KIF26B: variants seen among roughly 807,000 people sequenced by gnomAD.
KIF26B encodes kinesin family member 26B, also known as kinesin-like protein KIF26B.
A neutral mutation model predicts 151.2 loss-of-function variants in KIF26B; 63 were observed. That is an observed-to-expected ratio of 0.42 (90% CI 0.34 to 0.51). The LOEUF is 0.51. Ranked by LOEUF, KIF26B falls within the 20% of genes least tolerant of loss-of-function variation. The pLI, the probability that KIF26B is intolerant of heterozygous loss-of-function variation, is 0.07. For synonymous variants in KIF26B, 1,357 were observed against 1,262.1 expected (o/e 1.08, Z -1.59); for missense variants, 2,813 against 2,913.6 (o/e 0.97, Z 0.79).
rs2044871381 is a variant in KIF26B, at chr1:245,708,745, A to G, written c.*6139A>G. 6.6e-6 allele frequency: 1 copy of G among 152,236 alleles called. No homozygotes were observed. Among genetic ancestry groups the G allele is most frequent in the African/African-American group, 2.4e-5 (1 of 41,458 alleles). 9.4% of individuals were successfully genotyped at this position (152,236 alleles called of 1,614,324 possible). ...TCCAGAACTCAGTTTTCTAACCTAT[A>G]AAATGAAGACATTGTGCTAGATGAT... On this transcript the variant is annotated 3_prime_UTR_variant, in exon 15 of 15. Coordinates refer to ENST00000407071, the MANE Select transcript of KIF26B (RefSeq NM_018012.4).
At chr1:245,506,140 G>A (rs966958026) in intron 4 of KIF26B, among the ~76,000 whole-genome samples, 1 of 151,798 alleles carries the variant, frequency 6.6e-6, no homozygotes, top group Non-Finnish European at 1.5e-5. Flanking sequence ...TCCTATAAGC[G>A]GGGAATAAAG....
chr1:245,524,938 T>C (rs1275367722), intron 4 of KIF26B, among the ~76,000 whole-genome samples: 1 of 152,148 alleles, frequency 6.6e-6, no homozygotes, highest in Non-Finnish European at 1.5e-5. Flanking sequence ...TCTTTTTTGG[T>C]CTCTCAGGGG....
At chr1:245,491,398 G>T (rs184902387) in intron 4 of KIF26B, among the ~76,000 whole-genome samples, 61 of 152,224 alleles carry the variant, frequency 4.0e-4, no homozygotes, top group Non-Finnish European at 6.3e-4. Flanking sequence ...TGTTTTCCTT[G>T]CCTGGGATGT....
At chr1:245,242,179 C>G (rs955948202) in intron 2 of KIF26B, among the ~76,000 whole-genome samples, 5 of 152,164 alleles carry the variant, frequency 3.3e-5, no homozygotes, top group African/African-American at 1.2e-4. Context: ...TCTCTTGAGG[C>G]CAGGAGTTTG....
At chr1:245,486,612 G>C (rs2103071688) in intron 4 of KIF26B, among the ~76,000 whole-genome samples, 1 of 152,208 alleles carries the variant, frequency 6.6e-6, no homozygotes, top group East Asian at 1.9e-4. Context: ...TACTTTATGG[G>C]TGAAGAAATG....
At position 245,244,756 on chromosome 1, in the gene KIF26B, T is replaced by TCACACAGA. The variant is rs1670284892; in HGVS notation, c.465+88079_465+88080insGACACACA. On this transcript the variant is annotated intron_variant, in intron 2 of 14. Coordinates refer to ENST00000407071, the MANE Select transcript of KIF26B (RefSeq NM_018012.4). This position sits in a 1 kb window ranked among gnomAD's most constrained non-coding sequence, Gnocchi z 4.2. ...AGAAGGAACACACAGACACGCACAC[T>TCACACAGA]CACACACACACACACACACACACAC... Among the ~76,000 whole-genome samples the TCACACAGA allele has an allele frequency of 6.9e-6, 1 of 144,354 alleles. No homozygotes were observed. The highest frequency in any genetic ancestry group is 2.6e-5 in the African/African-American group (1 of 39,114). The allele number at this position is 144,354 out of a possible 152,430, so 94.7% of individuals were successfully genotyped here. A position where few individuals can be genotyped will look rare whatever the true frequency, so the allele number is the denominator to read the frequency against.
intron 2 of KIF26B, among the ~76,000 whole-genome samples, chr1:245,262,061 C>T (rs192975799): frequency 5.3e-5 from 8 of 152,236 alleles, no homozygotes; most frequent in African/African-American, 1.4e-4. Context: ...TGAGGTGTGA[C>T]GAGCACATTA....
chr1:245,438,115 G>A (rs188534263), intron 4 of KIF26B, among the ~76,000 whole-genome samples: 3 of 152,172 alleles, frequency 2.0e-5, no homozygotes, highest in Non-Finnish European at 4.4e-5. Context: ...AAATCCTTTC[G>A]TGTGCTCAAA....
chr1:245,677,466 A>G (rs2044370659), intron 10 of KIF26B, among the ~76,000 whole-genome samples: 1 of 152,242 alleles, frequency 6.6e-6, no homozygotes, highest in South Asian at 2.1e-4. Context: ...TGCAGTACAA[A>G]CAAAGTACTA....
At chr1:245,555,328 C>G (rs1306076627) in intron 5 of KIF26B, among the ~76,000 whole-genome samples, 1 of 152,134 alleles carries the variant, frequency 6.6e-6, no homozygotes, top group Non-Finnish European at 1.5e-5. Context: ...AGGTCATGAG[C>G]GCCTGGAACT....
chr1:245,612,105 TGA>T (rs3047661), intron 9 of KIF26B, 129 bp downstream of exon 9: 7,354 of 305,270 alleles, frequency 0.024, 11 homozygotes, highest in South Asian at 0.039. Context: ...TGTGTGTGTG[TGA>T]GAGAGAGAGA....
intron 9 of KIF26B, among the ~76,000 whole-genome samples, chr1:245,633,277 G>T: frequency 7.4e-6 from 1 of 134,304 alleles, no homozygotes; most frequent in Admixed American, 7.4e-5. Context: ...CATACAGTTG[G>T]GTCTTTTTTT....
At chr1:245,653,045 T>C (rs7527246) in intron 10 of KIF26B, among the ~76,000 whole-genome samples, 32,100 of 152,136 alleles carry the variant, frequency 0.21, 5,687 homozygotes, top group African/African-American at 0.48. Flanking sequence ...AAGAGAATGA[T>C]TGGGAATGAA....
At chr1:245,396,594 C>T (rs368335208) in intron 3 of KIF26B, among the ~76,000 whole-genome samples, 5 of 151,696 alleles carry the variant, frequency 3.3e-5, no homozygotes, top group African/African-American at 1.2e-4. Flanking sequence ...TGAGATGGCG[C>T]CACTGCATTC....
At chr1:245,284,810 G>A (rs1271116965) in intron 2 of KIF26B, among the ~76,000 whole-genome samples, 3 of 151,994 alleles carry the variant, frequency 2.0e-5, no homozygotes, top group Admixed American at 6.5e-5. Context: ...AGGCTGAGGC[G>A]GGCGGATCAC....
intron 5 of KIF26B, among the ~76,000 whole-genome samples, chr1:245,559,866 C>T (rs2789361): frequency 0.84 from 128,001 of 151,856 alleles, 54,292 homozygotes; most frequent in East Asian, 0.94. Context: ...TTTTGTTTTG[C>T]TCCTGTAGGT....
At chr1:245,336,899 A>G (rs1178405510) in intron 2 of KIF26B, among the ~76,000 whole-genome samples, 3 of 152,206 alleles carry the variant, frequency 2.0e-5, no homozygotes, top group Non-Finnish European at 4.4e-5. Context: ...TGCCTCATTA[A>G]CAGTTGAAGA....
intron 14 of KIF26B, among the ~76,000 whole-genome samples, chr1:245,700,079 C>T (rs2044749332): frequency 6.6e-6 from 1 of 152,062 alleles, no homozygotes; most frequent in Non-Finnish European, 1.5e-5. Flanking sequence ...TCATTGGATT[C>T]TTGGGACAGT....
At chr1:245,390,852 G>T (rs1478988086) in intron 3 of KIF26B, among the ~76,000 whole-genome samples, 6 of 144,158 alleles carry the variant, frequency 4.2e-5, no homozygotes, top group Non-Finnish European at 9.0e-5. Context: ...TTGGGAGGCT[G>T]AGGCAGGAGG....
Sources: allele counts gnomAD v4.1 joint callset (sites outside exome capture counted in the v4.1 genomes callset), GRCh38; gene constraint gnomAD v4.1.1; non-coding constraint Gnocchi (gnomAD v3.1); transcripts MANE v1.5; gene names NCBI Gene and HGNC (gene_info 2026-07-23, HGNC 2026-07-21).